STK32A: variants seen among roughly 807,000 people sequenced by gnomAD.
STK32A encodes the protein serine/threonine-protein kinase 32A.
A neutral mutation model predicts 53.2 loss-of-function variants in STK32A; 41 were observed. The observed-to-expected ratio is 0.77, with a 90% CI of 0.60 to 1.00. The LOEUF (loss-of-function observed/expected upper bound fraction) is 1.00. Among genes scored for constraint, STK32A ranks in the 50% least tolerant of loss-of-function variants. STK32A has a pLI of 0.00. For synonymous variants in STK32A, 166 were observed against 162.8 expected, an observed-to-expected ratio of 1.02 and a Z score of -0.15; for missense variants, 458 against 485.8, an observed-to-expected ratio of 0.94 and a Z score of 0.54.
At chr5:147,276,303 C>A (rs1361887735) in intron 2 of STK32A, among the ~76,000 whole-genome samples, 1 of 152,128 alleles carries the variant, frequency 6.6e-6, no homozygotes, top group African/African-American at 2.4e-5. Flanking sequence ...TATATGTCTA[C>A]TCAAGTATAT....
chr5:147,323,310 C>A (rs1754409040), intron 4 of STK32A, among the ~76,000 whole-genome samples: 1 of 152,176 alleles, frequency 6.6e-6, no homozygotes, highest in African/African-American at 2.4e-5. Flanking sequence ...CTGGTTTTAC[C>A]TCTCCTGAGA....
chr5:147,288,190 A>C (rs12659585), intron 4 of STK32A, among the ~76,000 whole-genome samples: 50,660 of 151,958 alleles, frequency 0.33, 8,821 homozygotes, highest in South Asian at 0.6. Context: ...ACTTACCTCC[A>C]CCCAGTGATT....
intron 4 of STK32A, among the ~76,000 whole-genome samples, chr5:147,296,054 T>C (rs527966641): frequency 2.6e-5 from 4 of 152,298 alleles, no homozygotes; most frequent in African/African-American, 2.4e-5. Flanking sequence ...CCCTTACAAA[T>C]GGAGATTTCC....
intron 8 of STK32A, among the ~76,000 whole-genome samples, chr5:147,363,073 G>A (rs1198175067): frequency 4.6e-5 from 7 of 151,312 alleles, no homozygotes. Context: ...GCTACAGAGT[G>A]AGACCCCATC....
intron 5 of STK32A, among the ~76,000 whole-genome samples, chr5:147,339,863 A>G (rs1333397628): frequency 1.4e-5 from 2 of 145,868 alleles, no homozygotes; most frequent in African/African-American, 5.7e-5. Context: ...ACCCCATTGT[A>G]TCTAAGAAGT....
intron 2 of STK32A, among the ~76,000 whole-genome samples, chr5:147,277,798 T>C (rs914088088): frequency 2.6e-5 from 4 of 152,162 alleles, no homozygotes; most frequent in Non-Finnish European, 5.9e-5. Context: ...TAACTTGCAG[T>C]GGGAGCTTGA....
intron 4 of STK32A, among the ~76,000 whole-genome samples, chr5:147,317,054 A>G (rs1234771279): frequency 1.3e-5 from 2 of 151,772 alleles, no homozygotes; most frequent in Non-Finnish European, 2.9e-5. Flanking sequence ...ACAATAATTA[A>G]TGACTGATAA....
intron 2 of STK32A, among the ~76,000 whole-genome samples, chr5:147,255,235 T>C (rs935198399): frequency 6.6e-6 from 1 of 152,236 alleles, no homozygotes; most frequent in Admixed American, 6.5e-5. Flanking sequence ...TCCCTCCCCT[T>C]GTATTTCCTT....
rs926394839 is a variant in STK32A, at chr5:147,323,962, C to T, written c.325C>T (p.Arg109Cys). Reference sequence around the variant, plus strand: ...GGACCTCCTGCTGGGTGGAGACCTGCGTTATCACCTGCAACAGAACGTCCA... The same window carrying T: ...GGACCTCCTGCTGGGTGGAGACCTGTGTTATCACCTGCAACAGAACGTCCA... ...VVDLLLGGDL[R>C]YHLQQNVHFK... Residue 109 changes from arginine (R) to cysteine (C), a missense_variant, in exon 5 of 13, where the codon CGT (arginine) becomes TGT (cysteine). By Grantham distance (180) the Arg-to-Cys change is radical (BLOSUM62 -3). Transcript: ENST00000397936. The T allele has an allele frequency of 8.1e-6, 13 of 1,613,254 alleles. No homozygotes were observed. Among genetic ancestry groups the T allele is most frequent in the African/African-American group, 1.3e-5 (1 of 74,900 alleles).
At chr5:147,395,644 G>A in the STK32A span, 14 of 1,613,968 alleles carry the variant, frequency 8.7e-6, no homozygotes, top group African/African-American at 1.1e-4. Context: ...CTGCGGGGGT[G>A]CCACCTTTGG....
chr5:147,351,255 C>G, intron 7 of STK32A, 101 bp downstream of exon 7: 1 of 983,858 alleles, frequency 1.0e-6, no homozygotes. Context: ...TGGTAAGTTC[C>G]TCTCTGACTT....
Position 147,373,177 on chromosome 5 carries a change from A to T in STK32A, c.786A>T (p.Glu262Asp). 2 of 1,613,258 alleles carry T rather than the reference A, an allele frequency of 1.2e-6. No individual in the cohort carries two copies. The highest frequency in any genetic ancestry group is 1.7e-6 in the Non-Finnish European group (2 of 1,179,480). ...TTGCATTTTATTGGCAGCTACTCGA[A>T]CCTAATCCAGACCAACGATTTTCTC... ...EMVSLLKKLL[E>D]PNPDQRFSQL... Residue 262 changes from glutamate to aspartate, a missense_variant, in exon 10 of 13, where the codon GAA (glutamate) becomes GAT (aspartate). Transcript: ENST00000397936.
chr5:147,256,658 T>C (rs1285772864), intron 2 of STK32A, among the ~76,000 whole-genome samples: 1 of 152,068 alleles, frequency 6.6e-6, no homozygotes, highest in Non-Finnish European at 1.5e-5. Flanking sequence ...ATTACAGGCA[T>C]GCACCACCAT....
chr5:147,236,022 G>A (rs1753299197), intron 1 of STK32A, among the ~76,000 whole-genome samples: 1 of 152,118 alleles, frequency 6.6e-6, no homozygotes, highest in Non-Finnish European at 1.5e-5. Flanking sequence ...AACAAAATAA[G>A]TTGTGTCTAT....
chr5:147,323,337 C>A (rs1442760062), intron 4 of STK32A, among the ~76,000 whole-genome samples: 2 of 152,188 alleles, frequency 1.3e-5, no homozygotes, highest in African/African-American at 4.8e-5. Context: ...CCTTTACTTC[C>A]CCATCCCAAA....
At chr5:147,240,707 T>G (rs1216072397) in intron 2 of STK32A, among the ~76,000 whole-genome samples, 1 of 152,248 alleles carries the variant, frequency 6.6e-6, no homozygotes, top group Non-Finnish European at 1.5e-5. Flanking sequence ...ATTGCTGAAA[T>G]GAAAACTACA....
At chr5:147,287,636 A>C (rs1284522217) in intron 4 of STK32A, among the ~76,000 whole-genome samples, 1 of 152,168 alleles carries the variant, frequency 6.6e-6, no homozygotes, top group Non-Finnish European at 1.5e-5. Context: ...ATTTCAGCTT[A>C]AGCTCAGTGT....
chr5:147,263,916 G>T (rs1754694623), intron 2 of STK32A, among the ~76,000 whole-genome samples: 1 of 152,062 alleles, frequency 6.6e-6, no homozygotes. Context: ...TTCAACACAA[G>T]TATATGAGAC....
At chr5:147,284,314 A>G (rs1202252364) in intron 4 of STK32A, among the ~76,000 whole-genome samples, 2 of 151,680 alleles carry the variant, frequency 1.3e-5, no homozygotes, top group African/African-American at 4.8e-5. Context: ...CACAGCCAAC[A>G]TAAAACTGAA....
Sources: allele counts gnomAD v4.1 joint callset (sites outside exome capture counted in the v4.1 genomes callset), GRCh38; gene constraint gnomAD v4.1.1; transcripts MANE v1.5; gene names NCBI Gene and HGNC (gene_info 2026-07-23, HGNC 2026-07-21).